The following ELMO1 variants were observed in gnomAD, a reference collection of about 807,000 sequenced individuals.
ELMO1 encodes the protein engulfment and cell motility 1.
ELMO1 carries 26 observed loss-of-function variants against 98.9 expected under a neutral mutation model. The ratio of observed to expected loss-of-function variants is 0.26; its 90% CI spans 0.19 to 0.36. The LOEUF is 0.36. ELMO1 is among the 10% of genes least tolerant of loss of function. The pLI is 1.00. For synonymous variants in ELMO1, 346 were observed against 346.0 expected, an observed-to-expected ratio of 1.00 and a Z score of 0.00; for missense variants, 627 against 935.2, an observed-to-expected ratio of 0.67 and a Z score of 4.30.
chr7:37,414,724 C>T (rs1804142249), intron 1 of ELMO1, among the ~76,000 whole-genome samples: 1 of 152,194 alleles, frequency 6.6e-6, no homozygotes, highest in African/African-American at 2.4e-5. Flanking sequence ...ATTGTTTAAG[C>T]CAGTCGGCAT....
chr7:37,027,264 A>T (rs897876173), intron 15 of ELMO1, among the ~76,000 whole-genome samples: 7 of 152,286 alleles, frequency 4.6e-5, no homozygotes, highest in Non-Finnish European at 8.8e-5. Context: ...ACAAAAGCAA[A>T]TCTGATTACG....
At chr7:36,887,696 C>T (rs1452428085) in intron 17 of ELMO1, 24 bp from the exon 18 acceptor site, 4 of 1,607,542 alleles carry the variant, frequency 2.5e-6, no homozygotes, top group Admixed American at 1.7e-5. Flanking sequence ...AACACATATT[C>T]CACAGCATGC....
intron 15 of ELMO1, among the ~76,000 whole-genome samples, chr7:37,085,593 C>A (rs563946870): frequency 6.6e-6 from 1 of 152,096 alleles, no homozygotes; most frequent in East Asian, 1.9e-4. Flanking sequence ...AGGGTATGGC[C>A]TGGTACATCA....
At chr7:37,208,586 G>A (rs543298016) in intron 13 of ELMO1, among the ~76,000 whole-genome samples, 1 of 152,316 alleles carries the variant, frequency 6.6e-6, no homozygotes, top group South Asian at 2.1e-4. Context: ...ACTGCTTACA[G>A]CATCTAGAGA....
chr7:37,184,124 T>G (rs1791052597), intron 13 of ELMO1, among the ~76,000 whole-genome samples: 1 of 152,258 alleles, frequency 6.6e-6, no homozygotes, highest in East Asian at 1.9e-4. Flanking sequence ...GATTTTCTTT[T>G]GTCCTCATTC....
intron 13 of ELMO1, among the ~76,000 whole-genome samples, chr7:37,162,900 G>A (rs1016880872): frequency 6.6e-6 from 1 of 152,128 alleles, no homozygotes. Flanking sequence ...ACTTCCCAGT[G>A]TCTAGACTCT....
At chr7:36,991,230 C>G (rs1017459148) in intron 16 of ELMO1, among the ~76,000 whole-genome samples, 23 of 152,178 alleles carry the variant, frequency 1.5e-4, no homozygotes, top group African/African-American at 4.8e-4. Context: ...TACATCTCAG[C>G]CCTCTTATGG....
At chr7:37,387,310 AGCCCT>A (rs1343389780) in intron 1 of ELMO1, among the ~76,000 whole-genome samples, 1 of 152,208 alleles carries the variant, frequency 6.6e-6, no homozygotes, top group Non-Finnish European at 1.5e-5. Flanking sequence ...ATGTCAACAG[AGCCCT>A]GCTCCCTCTG....
chr7:37,249,053 G>A (rs532893187), intron 6 of ELMO1, among the ~76,000 whole-genome samples: 4 of 152,298 alleles, frequency 2.6e-5, no homozygotes, highest in Non-Finnish European at 4.4e-5. Context: ...CCTCAGTAAC[G>A]TACATTTCGC....
chr7:36,896,912 T>C (rs1292793351), intron 16 of ELMO1, among the ~76,000 whole-genome samples: 3 of 152,170 alleles, frequency 2.0e-5, no homozygotes. Context: ...CTGGCTTTCT[T>C]GTGGGAGGCT....
intron 21 of ELMO1, among the ~76,000 whole-genome samples, chr7:36,857,100 G>A (rs1025833611): frequency 1.3e-5 from 2 of 152,192 alleles, no homozygotes; most frequent in Admixed American, 1.3e-4. Context: ...TGCACAATGG[G>A]TGTATTATGA....
At chr7:37,138,228 T>C (rs1320773868) in intron 13 of ELMO1, among the ~76,000 whole-genome samples, 1 of 149,974 alleles carries the variant, frequency 6.7e-6, no homozygotes, top group Non-Finnish European at 1.5e-5. Context: ...CTAAATGAAA[T>C]TGAAACAAAC....
intron 16 of ELMO1, among the ~76,000 whole-genome samples, chr7:37,000,288 T>C (rs149512660): frequency 7.9e-5 from 12 of 152,350 alleles, no homozygotes; most frequent in Admixed American, 2.0e-4. Context: ...TGCTCTGTGA[T>C]TCACAAAATG....
At chr7:37,198,009 T>G (rs943625718) in intron 13 of ELMO1, among the ~76,000 whole-genome samples, 5 of 152,218 alleles carry the variant, frequency 3.3e-5, no homozygotes, top group Admixed American at 2.6e-4. Flanking sequence ...TTAATATATG[T>G]TGTGGTTTTG....
At chr7:37,447,714 C>CCACACACACACACACACACACACA (rs3054415) in intron 1 of ELMO1, among the ~76,000 whole-genome samples, 1 of 132,138 alleles carries the variant, frequency 7.6e-6, no homozygotes, top group African/African-American at 3.1e-5. Flanking sequence ...CGCGCACACA[C>CCACACACACACACACACACACACA]CACACACACA....
chr7:36,925,947 G>A (rs758431985), intron 16 of ELMO1, among the ~76,000 whole-genome samples: 8 of 152,036 alleles, frequency 5.3e-5, no homozygotes, highest in Non-Finnish European at 7.4e-5. Context: ...ACCCAGCAGC[G>A]ACACCCAGGA....
At chr7:37,442,431 C>T (rs1310215136) in intron 1 of ELMO1, among the ~76,000 whole-genome samples, 4 of 152,340 alleles carry the variant, frequency 2.6e-5, no homozygotes, top group Non-Finnish European at 5.9e-5. Context: ...CAAGTATATT[C>T]CCCTTCCAAC....
chr7:37,011,185 A>G (rs1019895030), intron 16 of ELMO1, among the ~76,000 whole-genome samples: 1 of 152,210 alleles, frequency 6.6e-6, no homozygotes, highest in African/African-American at 2.4e-5. Context: ...TCACAGCCAT[A>G]TAGGCTAATT....
chr7:37,230,191 G>A lies in ELMO1; in HGVS notation c.549+2904C>T, dbSNP rs1794092476. 2.0e-5 allele frequency among the ~76,000 whole-genome samples: 3 copies of A among 152,092 alleles called. No individual in the cohort carries two copies. The South Asian group carries it at 6.2e-4, about 32-fold the overall frequency. ...CTCTGTGCCAGGCCCCGAGGATAAA[G>A]ACATGAAGAAAGCCACGTTTCTGCC... On this transcript the variant is annotated intron_variant, in intron 8 of 21. Transcript: ENST00000310758.
Sources: gnomAD v4.1 joint callset for allele counts (sites outside exome capture counted in the v4.1 genomes callset) on GRCh38, gnomAD v4.1.1 for gene constraint, MANE v1.5 for transcripts, NCBI Gene and HGNC (gene_info 2026-07-23, HGNC 2026-07-21) for gene names.